The following LMNA variants were observed in gnomAD, a reference collection of about 807,000 sequenced individuals.
The protein encoded by LMNA is lamin.
Under a neutral mutation model 70.4 loss-of-function variants are expected in LMNA, and 20 were observed. The ratio of observed to expected loss-of-function variants is 0.28; its 90% CI spans 0.20 to 0.41. The LOEUF (loss-of-function observed/expected upper bound fraction) is 0.41, where lower values mean the gene tolerates loss of function less well. Ranked by LOEUF, LMNA falls within the 10% of genes least tolerant of loss-of-function variation. The pLI is 1.00. For synonymous variants in LMNA, 339 were observed against 372.8 expected (o/e 0.91, Z 1.04); for missense variants, 652 against 917.2 (o/e 0.71, Z 3.73).
At position 156,138,675 on chromosome 1, in the gene LMNA, T is replaced by C. The variant is rs768700201; in HGVS notation, c.1886T>C (p.Val629Ala). ...ACGGTCACTCGCAGCTACCGCAGTG[T>C]GGGGGGCAGTGGGGGTGGCAGCTTC... is the stretch of plus-strand genomic sequence containing the variant. Reference protein sequence around the residue: ...SVTVTRSYRSVGGSGGGSFGD... With the variant: ...SVTVTRSYRSAGGSGGGSFGD... Residue 629 changes from valine to alanine, a missense_variant, in exon 11 of 12, where the codon GTG becomes GCG. Around this residue, in one of 4 missense-constraint regions of LMNA, gnomAD observed 327 missense variants for 387.6 expected, o/e 0.84. Coordinates refer to ENST00000368300, the MANE Select transcript of LMNA (RefSeq NM_170707.4). This position sits in a 1 kb window ranked among gnomAD's most constrained non-coding sequence, Gnocchi z 5.5. 6.2e-7 allele frequency: 1 copy of C among 1,613,616 alleles called. No individual in the cohort carries two copies. Among genetic ancestry groups the C allele is most frequent in the Non-Finnish European group, 8.5e-7 (1 of 1,179,992 alleles).
Position 156,139,971 on chromosome 1 carries a change from G to C in LMNA, c.*865G>C. 1.3e-6 allele frequency: 1 copy of C among 783,444 alleles called. No individual in the cohort carries two copies. The highest frequency in any genetic ancestry group is 1.8e-5 in the African/African-American group (1 of 54,800). 48.5% of individuals were successfully genotyped at this position (783,444 alleles called of 1,614,324 possible). ...CCACCGTGGAGGAGGAAGGCAAGAGGGGGTGGAGGGGTGTGGCAGTGGTTT... is the reference window on the plus strand; with the variant it reads ...CCACCGTGGAGGAGGAAGGCAAGAGCGGGTGGAGGGGTGTGGCAGTGGTTT... On this transcript the variant is annotated 3_prime_UTR_variant, in exon 12 of 12. Transcript: ENST00000368300.
chr1:156,116,909 G>T (rs1192347711), intron 1 of LMNA, among the ~76,000 whole-genome samples: 5 of 151,630 alleles, frequency 3.3e-5, no homozygotes, highest in Admixed American at 3.3e-4. Context: ...TGTGTAGGAA[G>T]ACAGGCTTAA....
At chr1:156,120,727 A>G (rs1198055610) in intron 1 of LMNA, among the ~76,000 whole-genome samples, 1 of 147,220 alleles carries the variant, frequency 6.8e-6, no homozygotes, top group African/African-American at 2.7e-5. Context: ...AGAAAAAAAC[A>G]AAACAAAACT....
At chr1:156,099,867 C>CA (rs57524097) in intron 3 of LMNA, among the ~76,000 whole-genome samples, 259 of 100,200 alleles carry the variant, frequency 2.6e-3, no homozygotes, top group Non-Finnish European at 3.6e-3. Context: ...GCCTGGGTGA[C>CA]AAAAAAAAAA....
rs1375750542 is a variant in LMNA at position 156,135,042 on chromosome 1, G to A, written c.810+67G>A. ...GCAGCCCTACCCTTACCCACGCTGGGCTATGCCTTCTGGGGATCAGGCAGA... is the reference window on the plus strand; with the variant it reads ...GCAGCCCTACCCTTACCCACGCTGGACTATGCCTTCTGGGGATCAGGCAGA... On this transcript the variant is annotated intron_variant, in intron 4 of 11. Transcript: ENST00000368300. The surrounding 1 kb of genome is among the most constrained non-coding windows in gnomAD (Gnocchi z 4.8). The A allele has an allele frequency of 2.5e-6, 4 of 1,611,396 alleles. No individual in the cohort carries two copies. Among genetic ancestry groups the A allele is most frequent in the Non-Finnish European group, 2.5e-6 (3 of 1,178,110 alleles).
At chr1:156,098,599 G>A (rs901000750) in intron 3 of LMNA, among the ~76,000 whole-genome samples, 3 of 152,312 alleles carry the variant, frequency 2.0e-5, no homozygotes, top group African/African-American at 7.2e-5. Flanking sequence ...AAAATGGGCT[G>A]TGTGATCCCA....
chr1:156,133,566 A>G (rs909489788), intron 2 of LMNA, among the ~76,000 whole-genome samples: 2 of 151,652 alleles, frequency 1.3e-5, no homozygotes, highest in African/African-American at 4.8e-5. Context: ...GCGAGACTCC[A>G]TCTCAAAAAA....
In LMNA at chr1:156,138,242, CAG is replaced by C. The variant is rs1472562675; in HGVS notation, c.1699-243_1699-242del. The C allele has an allele frequency of 5.2e-5, 31 of 593,946 alleles. No homozygotes were observed. Among genetic ancestry groups the C allele is most frequent in the African/African-American group, 5.0e-4 (27 of 53,742 alleles). The allele number at this position is 593,946 out of a possible 1,614,324, so 36.8% of individuals were successfully genotyped here. The stretch of plus-strand genomic sequence containing the variant: ...CCTCTTAAGCTCAGAGTAGCTAGAA[CAG>C]AGTCAGAGTCACTGCTCTGGTTCTC... On this transcript the variant is annotated intron_variant, in intron 10 of 11. Transcript: ENST00000368300. The surrounding 1 kb of genome is among the most constrained non-coding windows in gnomAD (Gnocchi z 5.5).
intron 1 of LMNA, among the ~76,000 whole-genome samples, chr1:156,121,711 G>T (rs1650203722): frequency 6.6e-6 from 1 of 151,408 alleles, no homozygotes; most frequent in Non-Finnish European, 1.5e-5. Context: ...CCTAGCAGCT[G>T]CAGCAGCCAA....
At position 156,134,598 on chromosome 1, in the gene LMNA, G is replaced by C; in HGVS notation, c.639+70G>C. ...GACAGACTTGGGCTGGGCTAGGGGGGACCAGCTGTGTGCAGAGCTCGCCTT... is the reference window on the plus strand; with the variant it reads ...GACAGACTTGGGCTGGGCTAGGGGGCACCAGCTGTGTGCAGAGCTCGCCTT... On this transcript the variant is annotated intron_variant, in intron 3 of 11. Transcript: ENST00000368300. This position sits in a 1 kb window ranked among gnomAD's most constrained non-coding sequence, Gnocchi z 5.3. 1 of 1,606,340 alleles carries C rather than the reference G, an allele frequency of 6.2e-7. No individual in the cohort carries two copies. The highest frequency in any genetic ancestry group is 1.1e-5 in the South Asian group (1 of 90,418).
At chr1:156,123,543 G>A (rs1056407481) in intron 1 of LMNA, 3 of 152,362 alleles carry the variant, frequency 2.0e-5, no homozygotes, top group African/African-American at 4.8e-5. Flanking sequence ...AATGTCCCTC[G>A]TTTTGGTCAC....
At chr1:156,124,839 T>C (rs553536809) in intron 1 of LMNA, among the ~76,000 whole-genome samples, 1 of 152,282 alleles carries the variant, frequency 6.6e-6, no homozygotes, top group South Asian at 2.1e-4. Flanking sequence ...TAGGCCTCCG[T>C]ATCACTCTCT....
rs1252976604 is a variant in LMNA, at chr1:156,135,526, AG to A, written c.936+217del. 6 of 657,044 alleles carry A rather than the reference AG, an allele frequency of 9.1e-6. No individual in the cohort carries two copies. The highest frequency in any genetic ancestry group is 1.8e-5 in the African/African-American group (1 of 55,192). The allele number at this position is 657,044 out of a possible 1,614,324, so 40.7% of individuals were successfully genotyped here. A position where few individuals can be genotyped will look rare whatever the true frequency, so the allele number is the denominator to read the frequency against. ...CACTCTTACCTCACCTTCACTTCTC[AG>A]GGCTTTGGTTTTCCCATTCGAAAAT... On this transcript the variant is annotated intron_variant, in intron 5 of 11. Coordinates refer to ENST00000368300, the MANE Select transcript of LMNA (RefSeq NM_170707.4). The surrounding 1 kb of genome is among the most constrained non-coding windows in gnomAD (Gnocchi z 4.8).
In LMNA at chr1:156,139,924, A is replaced by G; in HGVS notation, c.*818A>G. Reference sequence around the variant, plus strand: ...GGAGGAGGGAGAGGGAGGTCACTGGAAAGGGGAGAGCCTGCTGGCACCCAC... The same window carrying G: ...GGAGGAGGGAGAGGGAGGTCACTGGGAAGGGGAGAGCCTGCTGGCACCCAC... On this transcript the variant is annotated 3_prime_UTR_variant, in exon 12 of 12. Transcript: ENST00000368300. 7.9e-7 allele frequency: 1 copy of G among 1,265,658 alleles called. No homozygotes were observed. Among genetic ancestry groups the G allele is most frequent in the Non-Finnish European group, 1.1e-6 (1 of 949,394 alleles). The allele number at this position is 1,265,658 out of a possible 1,614,324, so 78.4% of individuals were successfully genotyped here.
chr1:156,106,439 CAG>C (rs4020356), intron 3 of LMNA, among the ~76,000 whole-genome samples: 3,170 of 152,358 alleles, frequency 0.021, 108 homozygotes, highest in African/African-American at 0.073. Context: ...CACACACACA[CAG>C]AGACACACAG....
At chr1:156,127,688 T>A (rs905810012) in intron 1 of LMNA, among the ~76,000 whole-genome samples, 2 of 58,250 alleles carry the variant, frequency 3.4e-5, no homozygotes, top group Non-Finnish European at 6.7e-5. Flanking sequence ...CCAGCTAAAT[T>A]TTTTTTTTTT....
At chr1:156,092,794 G>A (rs1399692939) in intron 3 of LMNA, among the ~76,000 whole-genome samples, 1 of 151,564 alleles carries the variant, frequency 6.6e-6, no homozygotes, top group Non-Finnish European at 1.5e-5. Context: ...TCTTGTCCTG[G>A]CCAGCTCCTG....
Position 156,102,666 on chromosome 1 carries a change from G to A in LMNA, c.-206-12047G>A, listed in dbSNP as rs117977765. On this transcript the variant is annotated intron_variant, in intron 3 of 12. Coordinates refer to the LMNA transcript ENST00000368301. The stretch of plus-strand genomic sequence containing the variant: ...TGGGCGCCTCTGGCCTCCTGCAGCC[G>A]GCTCTTTGCGCTCCTTCATTAAGCT... Among the ~76,000 whole-genome samples the A allele has an allele frequency of 7.2e-5, 11 of 152,226 alleles. 1 individual carries two copies. The East Asian group carries it at 1.7e-3, about 24-fold the overall frequency.
intron 2 of LMNA, among the ~76,000 whole-genome samples, chr1:156,133,011 T>C (rs988167005): frequency 6.6e-5 from 10 of 151,834 alleles, no homozygotes; most frequent in Admixed American, 5.9e-4. Context: ...AGCTACTTTT[T>C]GGATTTTTAG....
Sources: gnomAD v4.1 joint callset for allele counts (sites outside exome capture counted in the v4.1 genomes callset) on GRCh38, gnomAD v4.1.1 for gene constraint, gnomAD v4.1.1 regional missense constraint, Gnocchi (gnomAD v3.1) non-coding constraint, MANE v1.5 for transcripts, NCBI Gene and HGNC (gene_info 2026-07-23, HGNC 2026-07-21) for gene names.